The following INSR variants were observed in gnomAD, a reference collection of about 807,000 sequenced individuals.
INSR encodes insulin receptor, also known as IR.
In INSR, 67 loss-of-function variants were observed where a neutral mutation model predicts 142.6. The observed-to-expected ratio is 0.47, with a 90% CI of 0.39 to 0.58. The LOEUF (loss-of-function observed/expected upper bound fraction) is 0.58. Ranked by LOEUF, INSR falls within the 20% of genes least tolerant of loss-of-function variation. INSR has a pLI of 0.00. For missense variants in INSR, 1,248 were observed against 1,833.2 expected (o/e 0.68, Z 5.83); for synonymous variants, 756 against 743.1 (o/e 1.02, Z -0.28).
chr19:7,245,111 T>C (rs1239633067), intron 2 of INSR, among the ~76,000 whole-genome samples: 1 of 151,812 alleles, frequency 6.6e-6, no homozygotes, highest in East Asian at 2.0e-4. Context: ...AATTTTTTTG[T>C]ATTTTTAGTA....
intron 2 of INSR, among the ~76,000 whole-genome samples, chr19:7,197,148 G>C (rs767250315): frequency 6.6e-6 from 1 of 152,236 alleles, no homozygotes; most frequent in Non-Finnish European, 1.5e-5. Flanking sequence ...TCCTTGAAGC[G>C]GGGAAGCGCC....
chr19:7,207,901 A>AAAGGAAGGAAGGAAGGAAAGGAAGGAAGG (rs1555752221), intron 2 of INSR, among the ~76,000 whole-genome samples: 2 of 72,746 alleles, frequency 2.7e-5, no homozygotes, highest in African/African-American at 1.0e-4. Context: ...GGAAGGAAGG[A>AAAGGAAGGAAGGAAGGAAAGGAAGGAAGG]AAGGAAGGAA....
At chr19:7,160,503 G>A (rs917082310) in intron 9 of INSR, among the ~76,000 whole-genome samples, 2 of 151,912 alleles carry the variant, frequency 1.3e-5, no homozygotes, top group African/African-American at 4.8e-5. Flanking sequence ...GTAGTCCTGT[G>A]TAGTCCAGCT....
chr19:7,208,283 C>A (rs1451081831), intron 2 of INSR, among the ~76,000 whole-genome samples: 1 of 152,092 alleles, frequency 6.6e-6, no homozygotes, highest in Non-Finnish European at 1.5e-5. Context: ...AAAGGTGTTT[C>A]TTGGTTCTCA....
At chr19:7,162,004 G>A (rs888996989) in intron 9 of INSR, among the ~76,000 whole-genome samples, 1 of 151,836 alleles carries the variant, frequency 6.6e-6, no homozygotes, top group African/African-American at 2.4e-5. Context: ...GCAATATAAG[G>A]AGACTCCATC....
rs183960529 is a variant in INSR at position 7,212,620 on chromosome 19, T to C, written c.653-27983A>G. ...GTTTTTTTGAGATGGAGTTTCACTC[T>C]TGTTGCCCAGGCTGGAGTGCAATGG... On this transcript the variant is annotated intron_variant, in intron 2 of 21. Coordinates refer to ENST00000302850, the MANE Select transcript of INSR (RefSeq NM_000208.4). Among the ~76,000 whole-genome samples the C allele has an allele frequency of 2.6e-5, 4 of 152,196 alleles. No individual in the cohort carries two copies. In the East Asian group the frequency reaches 7.7e-4, roughly 29 times the overall value.
chr19:7,190,688 C>G (rs919064331), intron 2 of INSR, among the ~76,000 whole-genome samples: 1 of 152,112 alleles, frequency 6.6e-6, no homozygotes, highest in African/African-American at 2.4e-5. Flanking sequence ...GAAGACTATC[C>G]TTCGAACACT....
chr19:7,277,454 CTG>C (rs1255249886), intron 1 of INSR, among the ~76,000 whole-genome samples: 1 of 152,038 alleles, frequency 6.6e-6, no homozygotes, highest in East Asian at 1.9e-4. Flanking sequence ...ACCTAAATAA[CTG>C]TGATAAGCTA....
At chr19:7,259,112 C>CTTCCTTCCTTCTTTCCTTCG (rs1256161207) in intron 2 of INSR, among the ~76,000 whole-genome samples, 2 of 59,604 alleles carry the variant, frequency 3.4e-5, no homozygotes, top group African/African-American at 1.3e-4. Context: ...TCCTTCCTTC[C>CTTCCTTCCTTCTTTCCTTCG]TTTCTTTCCT....
chr19:7,260,742 C>CG (rs1977031496), intron 2 of INSR, among the ~76,000 whole-genome samples: 1 of 152,024 alleles, frequency 6.6e-6, no homozygotes, highest in African/African-American at 2.4e-5. Context: ...CTCATTCAAC[C>CG]CCCACACCAC....
intron 19 of INSR, among the ~76,000 whole-genome samples, chr19:7,122,057 C>T (rs772475989): frequency 9.2e-5 from 14 of 151,886 alleles, no homozygotes; most frequent in South Asian, 2.1e-4. Context: ...GCAGGAGAAT[C>T]GCTTGAACCC....
At chr19:7,243,961 A>T (rs1976447499) in intron 2 of INSR, among the ~76,000 whole-genome samples, 1 of 152,222 alleles carries the variant, frequency 6.6e-6, no homozygotes, top group African/African-American at 2.4e-5. Context: ...AAACCGAAAC[A>T]AGAGGTATGA....
At chr19:7,270,335 TCTCTCACACACACACACA>T (rs1967879206) in intron 1 of INSR, among the ~76,000 whole-genome samples, 2 of 83,268 alleles carry the variant, frequency 2.4e-5, no homozygotes, top group Admixed American at 1.6e-4. Flanking sequence ...TCTCTCTCTC[TCTCTCACACACACACACA>T]CACACACACA....
chr19:7,138,659 ACCATGCTTG>A (rs1436749528), intron 13 of INSR, among the ~76,000 whole-genome samples: 2 of 152,116 alleles, frequency 1.3e-5, no homozygotes, highest in African/African-American at 4.8e-5. Flanking sequence ...GGCATGAGCC[ACCATGCTTG>A]GCCCCCAAAC....
chr19:7,151,097 CCT>C (rs889410556), intron 10 of INSR, among the ~76,000 whole-genome samples: 5 of 147,106 alleles, frequency 3.4e-5, no homozygotes, highest in Admixed American at 2.1e-4. Context: ...TTCCTTCCCT[CCT>C]CTCTCCCTCC....
rs1239921468 is a variant in INSR at position 7,159,454 on chromosome 19, T to G, written c.2029+3578A>C. The G allele has an allele frequency of 6.6e-6, 1 of 152,014 alleles. No homozygotes were observed. The highest frequency in any genetic ancestry group is 1.5e-5 in the Non-Finnish European group (1 of 68,010). The allele number at this position is 152,014 out of a possible 1,614,324, so 9.4% of individuals were successfully genotyped here. On this transcript the variant is annotated intron_variant, in intron 9 of 21. Coordinates refer to ENST00000302850, the MANE Select transcript of INSR (RefSeq NM_000208.4). This position sits in a 1 kb window ranked among gnomAD's most constrained non-coding sequence, Gnocchi z 4.3. Reference sequence around the variant, plus strand: ...CTTAGTGAGTTTCCTTTTAATGATATTAACTTTGTGACAATTACAAATAAA... The same window carrying G: ...CTTAGTGAGTTTCCTTTTAATGATAGTAACTTTGTGACAATTACAAATAAA...
At position 7,197,516 on chromosome 19, in the gene INSR, G is replaced by GGGTGTGTGT. The variant is rs1974790392; in HGVS notation, c.653-12880_653-12879insACACACACC. Among the ~76,000 whole-genome samples the GGGTGTGTGT allele has an allele frequency of 4.2e-5, 3 of 70,854 alleles. 1 individual carries two copies. Among genetic ancestry groups the GGGTGTGTGT allele is most frequent in the African/African-American group, 1.8e-4 (3 of 16,352 alleles). The allele number at this position is 70,854 out of a possible 152,430, so 46.5% of individuals were successfully genotyped here. On this transcript the variant is annotated intron_variant, in intron 2 of 21. Transcript: ENST00000302850. ...TGGCAGGTTCCAGAGTGGGAGTGGG[G>GGGTGTGTGT]GTGTGTGTGTGTGTGTGTGTGTGTG...
At chr19:7,136,031 A>G (rs1972916286) in intron 13 of INSR, among the ~76,000 whole-genome samples, 1 of 151,432 alleles carries the variant, frequency 6.6e-6, no homozygotes, top group African/African-American at 2.4e-5. Context: ...GTGCCATTTT[A>G]TGTTCCCACC....
chr19:7,191,267 G>A (rs955129702), intron 2 of INSR, among the ~76,000 whole-genome samples: 1 of 145,346 alleles, frequency 6.9e-6, no homozygotes, highest in African/African-American at 2.5e-5. Context: ...ACTGCTGGAA[G>A]AGAGAGTGAG....
Sources: allele counts gnomAD v4.1 joint callset (sites outside exome capture counted in the v4.1 genomes callset), GRCh38; gene constraint gnomAD v4.1.1; non-coding constraint Gnocchi (gnomAD v3.1); transcripts MANE v1.5; gene names NCBI Gene and HGNC (gene_info 2026-07-23, HGNC 2026-07-21).